Variants in BCAP29 observed in about 807,000 individuals in gnomAD.
The protein encoded by BCAP29 is B cell receptor associated protein 29, also known as B-cell receptor-associated protein 29.
BCAP29 carries 34 observed loss-of-function variants against 31.8 expected under a neutral mutation model. The ratio of observed to expected loss-of-function variants is 1.07; its 90% CI spans 0.81 to 1.42. The LOEUF (loss-of-function observed/expected upper bound fraction) is 1.42, where lower values mean the gene tolerates loss of function less well. BCAP29 is among the 40% of genes most tolerant of loss of function. The pLI is 0.00. For synonymous variants in BCAP29, 104 were observed against 91.3 expected, an observed-to-expected ratio of 1.14 and a Z score of -0.79; for missense variants, 314 against 269.2, an observed-to-expected ratio of 1.17 and a Z score of -1.16.
At chr7:107,604,256 C>A (rs894545066) in intron 6 of BCAP29, among the ~76,000 whole-genome samples, 2 of 152,104 alleles carry the variant, frequency 1.3e-5, no homozygotes, top group Non-Finnish European at 1.5e-5. Context: ...AACTTTGATA[C>A]CCTTGAAGAT....
chr7:107,597,952 TG>T (rs1810160638), intron 5 of BCAP29, among the ~76,000 whole-genome samples: 2 of 152,180 alleles, frequency 1.3e-5, no homozygotes, highest in Non-Finnish European at 2.9e-5. Context: ...TTAACCAAGG[TG>T]GGATAATTTG....
Position 107,580,400 on chromosome 7 carries a change from ACCCGG to A in BCAP29, c.-15+110_-15+114del, listed in dbSNP as rs545841350. ...AACCCCGCGGAGCTGGCCTGGCCCG[ACCCGG>A]CCCGGCCCGGTCCGCGGCGCGGTGG... On this transcript the variant is annotated intron_variant, in intron 1 of 7. Transcript: ENST00000005259. 19 of 224,844 alleles carry A rather than the reference ACCCGG, an allele frequency of 8.5e-5. No homozygotes were observed. The South Asian group carries it at 1.0e-3, about 12-fold the overall frequency. The allele number at this position is 224,844 out of a possible 1,614,324, so 13.9% of individuals were successfully genotyped here.
rs1814686625 is a variant in BCAP29 at position 107,619,194 on chromosome 7, G to A, written c.*831G>A. 1 of 152,336 alleles carries A rather than the reference G, an allele frequency of 6.6e-6. No homozygotes were observed. The highest frequency in any genetic ancestry group is 1.5e-5 in the Non-Finnish European group (1 of 67,914). The allele number at this position is 152,336 out of a possible 1,614,324, so 9.4% of individuals were successfully genotyped here. A position where few individuals can be genotyped will look rare whatever the true frequency, so the allele number is the denominator to read the frequency against. ...CCAAAAAGCAGTATTTCTTTCCCTT[G>A]GTTGTGAGAGTAACTAATTATATAA... On this transcript the variant is annotated 3_prime_UTR_variant, in exon 8 of 8. Transcript: ENST00000005259.
Position 107,596,991 on chromosome 7 carries a change from C to T in BCAP29, c.480+989C>T, listed in dbSNP as rs1465461120. 4.6e-5 allele frequency among the ~76,000 whole-genome samples: 7 copies of T among 152,282 alleles called. No individual in the cohort carries two copies. The East Asian group carries it at 1.4e-3, about 29-fold the overall frequency. The stretch of plus-strand genomic sequence containing the variant: ...TCCTGATTTGCTGCTTCCTGCATAG[C>T]TGTGACCCAATCAGAGGAGGCACAG... On this transcript the variant is annotated intron_variant, in intron 5 of 7. Transcript: ENST00000005259.
intron 7 of BCAP29, among the ~76,000 whole-genome samples, chr7:107,618,064 G>A (rs1251324230): frequency 6.6e-6 from 1 of 152,068 alleles, no homozygotes; most frequent in African/African-American, 2.4e-5. Context: ...TAGAAATCAT[G>A]TTTTCCTAAT....
intron 3 of BCAP29, among the ~76,000 whole-genome samples, chr7:107,586,247 T>G (rs542399787): frequency 6.6e-6 from 1 of 152,184 alleles, no homozygotes; most frequent in Non-Finnish European, 1.5e-5. Flanking sequence ...CCAGGTGTGG[T>G]ACCCATTCCA....
At chr7:107,599,104 ATATT>A (rs1321772161) in intron 5 of BCAP29, among the ~76,000 whole-genome samples, 7 of 133,438 alleles carry the variant, frequency 5.2e-5, no homozygotes, top group Non-Finnish European at 9.4e-5. Flanking sequence ...ATATAAATAT[ATATT>A]TATAAATATA....
chr7:107,598,993 A>G (rs1240630374), intron 5 of BCAP29, among the ~76,000 whole-genome samples: 3 of 57,970 alleles, frequency 5.2e-5, no homozygotes, highest in African/African-American at 3.1e-4. Flanking sequence ...ATTTATATAT[A>G]TTTATAGATC....
At chr7:107,605,070 A>G (rs79582531) in intron 6 of BCAP29, among the ~76,000 whole-genome samples, 4,120 of 152,254 alleles carry the variant, frequency 0.027, 193 homozygotes, top group African/African-American at 0.094. Flanking sequence ...ATATATAATG[A>G]TGATATTGCA....
At chr7:107,591,239 A>G (rs1332327501) in intron 3 of BCAP29, among the ~76,000 whole-genome samples, 1 of 152,358 alleles carries the variant, frequency 6.6e-6, no homozygotes, top group East Asian at 1.9e-4. Context: ...GCATTTTTGT[A>G]GCAGTTGATC....
At chr7:107,584,005 G>T (rs756205596) in intron 3 of BCAP29, 23 bp downstream of exon 3, 1 of 1,293,206 alleles carries the variant, frequency 7.7e-7, no homozygotes, top group Non-Finnish European at 1.1e-6. Context: ...TCCCTTCTTT[G>T]AATAAATATA....
At chr7:107,591,864 G>GT (rs1474549106) in intron 3 of BCAP29, among the ~76,000 whole-genome samples, 10 of 151,786 alleles carry the variant, frequency 6.6e-5, no homozygotes, top group African/African-American at 2.4e-4. Flanking sequence ...CTGACTTCTG[G>GT]TTTTCTAAAA....
At chr7:107,598,850 T>C (rs985378421) in intron 5 of BCAP29, among the ~76,000 whole-genome samples, 5 of 149,968 alleles carry the variant, frequency 3.3e-5, no homozygotes, top group African/African-American at 4.9e-5. Context: ...GGTGAGAAGA[T>C]TGCTTGAGGC....
downstream of BCAP29, chr7:107,621,982 CT>C (rs748968915): frequency 1.2e-5 from 6 of 493,928 alleles, no homozygotes; most frequent in Non-Finnish European, 2.1e-5. Context: ...AACAGTTACT[CT>C]TTAACACCAC....
Position 107,613,353 on chromosome 7 carries a change from A to T in BCAP29, c.611A>T (p.Asp204Val). The part of the protein sequence containing the change: ...TSDALSKAQN[D>V]VMEMKMQSER... ...CTAGCCCTTTCTAAGGCACAAAATG[A>T]TGTGATGGAAATGAAGATGCAGTCA... The change falls in exon 7 of 8, where the codon GAT (aspartate) becomes GTT (valine). Residue 204 changes from aspartate to valine, a missense_variant. Transcript: ENST00000005259. 1 of 1,611,192 alleles carries T rather than the reference A, an allele frequency of 6.2e-7. No homozygotes were observed. Among genetic ancestry groups the T allele is most frequent in the African/African-American group, 1.3e-5 (1 of 74,968 alleles).
chr7:107,601,062 A>G (rs1002282459), intron 6 of BCAP29, among the ~76,000 whole-genome samples: 6 of 151,798 alleles, frequency 4.0e-5, no homozygotes, highest in African/African-American at 1.5e-4. Flanking sequence ...TCCCAACTCC[A>G]TTTTCCTGAA....
chr7:107,588,170 G>A (rs888711102), intron 3 of BCAP29, among the ~76,000 whole-genome samples: 11 of 152,252 alleles, frequency 7.2e-5, no homozygotes, highest in African/African-American at 2.6e-4. Flanking sequence ...GTATAGTGCA[G>A]CATCAAGCAA....
At chr7:107,601,005 G>T (rs1459409928) in intron 6 of BCAP29, among the ~76,000 whole-genome samples, 1 of 152,126 alleles carries the variant, frequency 6.6e-6, no homozygotes, top group Non-Finnish European at 1.5e-5. Flanking sequence ...AAGAATTTGA[G>T]TGCCTCCTTC....
rs1562802548 is a variant in BCAP29, at chr7:107,619,482, CCT to C, written c.*1122_*1123del. 6.6e-6 allele frequency: 1 copy of C among 151,974 alleles called. No homozygotes were observed. The highest frequency in any genetic ancestry group is 2.4e-5 in the African/African-American group (1 of 41,380). The allele number at this position is 151,974 out of a possible 1,614,324, so 9.4% of individuals were successfully genotyped here. A position where few individuals can be genotyped will look rare whatever the true frequency, so the allele number is the denominator to read the frequency against. ...TTTATTTCTCTTGTCTTTGTTACAT[CCT>C]CTGTTTATTATAATTTTAGCACCAA... On this transcript the variant is annotated 3_prime_UTR_variant, in exon 8 of 8. Transcript: ENST00000005259.
Sources: allele counts gnomAD v4.1 joint callset (sites outside exome capture counted in the v4.1 genomes callset), GRCh38; gene constraint gnomAD v4.1.1; transcripts MANE v1.5; gene names NCBI Gene and HGNC (gene_info 2026-07-23, HGNC 2026-07-21).